Variants in PBXIP1 observed in about 807,000 individuals in gnomAD.
PBXIP1 encodes the protein pre-B-cell leukemia transcription factor-interacting protein 1.
PBXIP1 carries 73 observed loss-of-function variants against 73.7 expected under a neutral mutation model. That is an observed-to-expected ratio of 0.99 (90% CI 0.82 to 1.20). The LOEUF is 1.20. Among genes scored for constraint, PBXIP1 ranks in the 50% most tolerant of loss-of-function variants. The pLI is 0.00. For missense variants in PBXIP1, 818 were observed against 911.4 expected (o/e 0.90, Z 1.32); for synonymous variants, 330 against 366.9 (o/e 0.90, Z 1.15).
intron 10 of PBXIP1, 67 bp from the exon 11 acceptor site, chr1:154,945,184 G>T: frequency 8.4e-7 from 1 of 1,196,692 alleles, no homozygotes. Flanking sequence ...CAAGGAGAGA[G>T]GACCCTGCTC....
At position 154,946,083 on chromosome 1, in the gene PBXIP1, T is replaced by C; in HGVS notation, c.1591A>G (p.Lys531Glu). Residue 531 changes from lysine to glutamate, a missense_variant, in exon 10 of 11, where the codon AAG becomes GAG. Coordinates refer to ENST00000368463, the MANE Select transcript of PBXIP1 (RefSeq NM_020524.4). ...TTCGGGCCCTGTCGCTTGCCCTCCT[T>C]CTTGCTCCCCGACTCCTCCACCCTT... Reference protein sequence around the residue: ...RPRVEESGSKKEGKRQGPKEP... With the variant: ...RPRVEESGSKEEGKRQGPKEP... 6.2e-7 allele frequency: 1 copy of C among 1,614,156 alleles called. No homozygotes were observed. Among genetic ancestry groups the C allele is most frequent in the Non-Finnish European group, 8.5e-7 (1 of 1,180,000 alleles).
chr1:154,951,536 C>A lies in PBXIP1; in HGVS notation c.179-1G>T. The A allele has an allele frequency of 6.2e-7, 1 of 1,613,322 alleles. No individual in the cohort carries two copies. On this transcript the variant is annotated splice_acceptor_variant, in intron 3 of 10. Coordinates refer to ENST00000368463, the MANE Select transcript of PBXIP1 (RefSeq NM_020524.4). LOFTEE classifies it high-confidence loss of function. This position sits in a 1 kb window ranked among gnomAD's most constrained non-coding sequence, Gnocchi z 4.3. ...GGGCTTTCAGTCTGGAAGAGCGTCC[C>A]TGCGGTAGGAGAAAAGGCGCAGAAA...
rs148878006 is a variant in PBXIP1 at position 154,946,713 on chromosome 1, C to T, written c.961G>A (p.Glu321Lys). 395 of 1,610,292 alleles carry T rather than the reference C, an allele frequency of 2.5e-4. No individual in the cohort carries two copies. The highest frequency in any genetic ancestry group is 1.9e-3 in the South Asian group (170 of 90,916). ...AQLRGALQQG[E>K]AFQRALESEL... ...GACTCCAGAGCCCGCTGGAAGGCTT[C>T]GCCCTGCTGCAGAGCCCCCCGGAGC... The change falls in exon 10 of 11, where the codon GAA becomes AAA. Residue 321 changes from glutamate (E) to lysine (K), a missense_variant. Coordinates refer to ENST00000368463, the MANE Select transcript of PBXIP1 (RefSeq NM_020524.4).
rs757565393 is a variant in PBXIP1, at chr1:154,953,656, G to T, written c.51+15C>A. On this transcript the variant is annotated intron_variant, in intron 2 of 10. Coordinates refer to ENST00000368463, the MANE Select transcript of PBXIP1 (RefSeq NM_020524.4). ...CCAACCCCACCCCCATGGTTCCCAG[G>T]CCCGCTCTTCCTACCTCGGAGCCAG... The T allele has an allele frequency of 1.0e-5, 16 of 1,596,438 alleles. No individual in the cohort carries two copies. In the Admixed American group the frequency reaches 2.5e-4, roughly 25 times the overall value.
At position 154,951,621 on chromosome 1, in the gene PBXIP1, C is replaced by G; in HGVS notation, c.179-86G>C. 1 of 1,486,506 alleles carries G rather than the reference C, an allele frequency of 6.7e-7. No homozygotes were observed. The highest frequency in any genetic ancestry group is 1.1e-5 in the South Asian group (1 of 87,902). The allele number at this position is 1,486,506 out of a possible 1,614,324, so 92.1% of individuals were successfully genotyped here. On this transcript the variant is annotated intron_variant, in intron 3 of 10. Transcript: ENST00000368463. This position sits in a 1 kb window ranked among gnomAD's most constrained non-coding sequence, Gnocchi z 4.3. ...CTCTGTCCATCCCACGGGCCCCTAC[C>G]AGGTTGGAAGAGGCAGGAAAAAGCC...
In PBXIP1 at chr1:154,945,020, G is replaced by C. The variant is rs199701907; in HGVS notation, c.*4C>G. On this transcript the variant is annotated 3_prime_UTR_variant, in exon 11 of 11. Transcript: ENST00000368463. The stretch of plus-strand genomic sequence containing the variant: ...GCCAAGGCCATTCCCTGTGGGGCAG[G>C]GTGTCAGCCCCGGTGGTGGTGGTGG... The C allele has an allele frequency of 1.1e-5, 18 of 1,610,784 alleles. No individual in the cohort carries two copies. In the Admixed American group the frequency reaches 2.3e-4, roughly 21 times the overall value.
At chr1:154,955,451 C>T (rs1349699756) in intron 1 of PBXIP1, among the ~76,000 whole-genome samples, 2 of 152,200 alleles carry the variant, frequency 1.3e-5, no homozygotes, top group Non-Finnish European at 2.9e-5. Flanking sequence ...AAAACAAATA[C>T]TTATGAGACC....
chr1:154,950,664 C>T (rs1289902304), intron 5 of PBXIP1, among the ~76,000 whole-genome samples: 1 of 152,242 alleles, frequency 6.6e-6, no homozygotes, highest in African/African-American at 2.4e-5. Context: ...ATGCTGCAGC[C>T]TTGGCCTAAA....
In PBXIP1 at chr1:154,951,646, C is replaced by T; in HGVS notation, c.179-111G>A. 2 of 1,424,702 alleles carry T rather than the reference C, an allele frequency of 1.4e-6. No homozygotes were observed. Among genetic ancestry groups the T allele is most frequent in the Non-Finnish European group, 9.9e-7 (1 of 1,014,598 alleles). 88.3% of individuals were successfully genotyped at this position (1,424,702 alleles called of 1,614,324 possible). A position where few individuals can be genotyped will look rare whatever the true frequency, so the allele number is the denominator to read the frequency against. ...CAGGTTGGAAGAGGCAGGAAAAAGC[C>T]AGGATGGAATGAGAAAAGGAGTTTG... On this transcript the variant is annotated intron_variant, in intron 3 of 10. Transcript: ENST00000368463. This position sits in a 1 kb window ranked among gnomAD's most constrained non-coding sequence, Gnocchi z 4.3.
At chr1:154,954,473 A>G (rs1655113476) in intron 1 of PBXIP1, among the ~76,000 whole-genome samples, 1 of 152,232 alleles carries the variant, frequency 6.6e-6, no homozygotes, top group Non-Finnish European at 1.5e-5. Context: ...TGCACCTTTT[A>G]TAAGTCTCCT....
In PBXIP1 at chr1:154,946,602, T is replaced by C. The variant is rs746748116; in HGVS notation, c.1072A>G (p.Arg358Gly). Residue 358 changes from arginine (R) to glycine (G), a missense_variant, in exon 10 of 11, where the codon AGA becomes GGA. Arg to Gly is a moderately radical substitution (Grantham distance 125, BLOSUM62 -2). Transcript: ENST00000368463. ...GPDGVCLSGG[R>G]GPQGDKAIRE... ...ATGGCCTTGTCACCCTGTGGGCCTC[T>C]ACCCCCACTGAGGCACACCCCATCT... The C allele has an allele frequency of 1.9e-6, 3 of 1,612,962 alleles. No individual in the cohort carries two copies. The highest frequency in any genetic ancestry group is 2.2e-5 in the East Asian group (1 of 44,880).
In PBXIP1 at chr1:154,947,718, G is replaced by C. The variant is rs1286039919; in HGVS notation, c.668-6C>G. 3.1e-6 allele frequency: 5 copies of C among 1,612,672 alleles called. No homozygotes were observed. The South Asian group carries it at 5.5e-5, about 18-fold the overall frequency. On this transcript the variant is annotated splice_region_variant and splice_polypyrimidine_tract_variant and intron_variant, in intron 7 of 10. Coordinates refer to ENST00000368463, the MANE Select transcript of PBXIP1 (RefSeq NM_020524.4). ...CTCCACTTCCTCCATGGGCCCTGTGGGAAAGGGAAACCCTGAAACTGGTCC... is the reference window on the plus strand; with the variant it reads ...CTCCACTTCCTCCATGGGCCCTGTGCGAAAGGGAAACCCTGAAACTGGTCC...
rs775132301 is a variant in PBXIP1, at chr1:154,948,014, A to G, written c.644-9T>C. 2.5e-6 allele frequency: 4 copies of G among 1,613,114 alleles called. No homozygotes were observed. The highest frequency in any genetic ancestry group is 1.7e-4 in the Middle Eastern group (1 of 6,060). ...AGACTCTGAGAGGCCACCTAAGGAC[A>G]GAGACAGAGGAGTCTGATGAGGCCC... On this transcript the variant is annotated splice_polypyrimidine_tract_variant and intron_variant, in intron 6 of 10. Coordinates refer to ENST00000368463, the MANE Select transcript of PBXIP1 (RefSeq NM_020524.4).
chr1:154,951,504 A>G lies in PBXIP1; in HGVS notation c.210T>C (p.Ser70=), dbSNP rs760487646. Residue 70 remains serine, a synonymous_variant, in exon 4 of 11, where the codon TCT becomes TCC. Transcript: ENST00000368463. The surrounding 1 kb of genome is among the most constrained non-coding windows in gnomAD (Gnocchi z 4.3). The part of the protein sequence containing the change: ...GTLFQTESPQ[S]GSILTEETEV... ...CAGTCTCCTCTGTTAGAATGCTGCC[A>G]GACTGAGGGCTTTCAGTCTGGAAGA... 6.2e-7 allele frequency: 1 copy of G among 1,614,152 alleles called. No individual in the cohort carries two copies. The highest frequency in any genetic ancestry group is 1.7e-5 in the Admixed American group (1 of 60,026).
chr1:154,947,575 A>C (rs759655283), intron 8 of PBXIP1, 27 bp from the exon 9 acceptor site: 29 of 1,604,342 alleles, frequency 1.8e-5, no homozygotes, highest in Middle Eastern at 1.7e-4. Flanking sequence ...CTGTTATGCC[A>C]TGCTACCCCA....
Position 154,951,135 on chromosome 1 carries a change from AGGGCCT to A in PBXIP1, c.409+91_409+96del. 1 of 1,153,790 alleles carries A rather than the reference AGGGCCT, an allele frequency of 8.7e-7. No individual in the cohort carries two copies. The highest frequency in any genetic ancestry group is 1.3e-6 in the Non-Finnish European group (1 of 788,234). The allele number at this position is 1,153,790 out of a possible 1,614,324, so 71.5% of individuals were successfully genotyped here. A position where few individuals can be genotyped will look rare whatever the true frequency, so the allele number is the denominator to read the frequency against. ...GGAGAGCACCAAGCTGCTCAGCCCT[AGGGCCT>A]GGACCACAGCATGTGCTCAGTAGTG... On this transcript the variant is annotated intron_variant, in intron 5 of 10. Transcript: ENST00000368463. This position sits in a 1 kb window ranked among gnomAD's most constrained non-coding sequence, Gnocchi z 4.3.
rs1177848935 is a variant in PBXIP1, at chr1:154,946,381, C to T, written c.1293G>A (p.Glu431=). Residue 431 remains glutamate (E), a synonymous_variant, in exon 10 of 11, where the codon GAG becomes GAA. Transcript: ENST00000368463. The part of the protein sequence containing the change: ...RGDPAHAGLA[E]LGHRLAQKLQ... ...GTTTCTGGGCCAATCTGTGGCCCAG[C>T]TCAGCCAAGCCAGCATGAGCTGGGT... 1 of 1,613,050 alleles carries T rather than the reference C, an allele frequency of 6.2e-7. No individual in the cohort carries two copies. The highest frequency in any genetic ancestry group is 1.1e-5 in the South Asian group (1 of 91,088).
At position 154,946,478 on chromosome 1, in the gene PBXIP1, T is replaced by A. The variant is rs773782945; in HGVS notation, c.1196A>T (p.Glu399Val). The change falls in exon 10 of 11, where the codon GAG becomes GTG. Residue 399 changes from glutamate (E) to valine (V), a missense_variant. By Grantham distance (121) the Glu-to-Val change is moderately radical (BLOSUM62 -2). Transcript: ENST00000368463. ...AEAQALRQELERQRRLLGSVQ... is the reference protein window; with the variant it reads ...AEAQALRQELVRQRRLLGSVQ... ...AGACCCCAGCAGCCGTCGCTGCCTC[T>A]CTAACTCTTGCCTTAATGCCTGTGC... 1.5e-5 allele frequency: 24 copies of A among 1,608,626 alleles called. No homozygotes were observed. Among genetic ancestry groups the A allele is most frequent in the Non-Finnish European group, 1.9e-5 (22 of 1,180,006 alleles).
Position 154,947,384 on chromosome 1 carries a change from T to C in PBXIP1, c.870+33A>G. On this transcript the variant is annotated intron_variant, in intron 9 of 10. Coordinates refer to ENST00000368463, the MANE Select transcript of PBXIP1 (RefSeq NM_020524.4). The stretch of plus-strand genomic sequence containing the variant: ...GGACAGACGCCTGGCCTAGGTGGGT[T>C]ACCCTAGCCCAGCCCCTCCTGCCTG... The C allele has an allele frequency of 1.9e-6, 3 of 1,612,632 alleles. No individual in the cohort carries two copies. The South Asian group carries it at 3.3e-5, about 18-fold the overall frequency.
Sources: allele counts gnomAD v4.1 joint callset (sites outside exome capture counted in the v4.1 genomes callset), GRCh38; gene constraint gnomAD v4.1.1; non-coding constraint Gnocchi (gnomAD v3.1); transcripts MANE v1.5; gene names NCBI Gene and HGNC (gene_info 2026-07-23, HGNC 2026-07-21).